The following PHF2 variants were observed in gnomAD, a reference collection of about 807,000 sequenced individuals.
PHF2 encodes lysine-specific demethylase PHF2.
PHF2 carries 27 observed loss-of-function variants against 120.5 expected under a neutral mutation model. That is an observed-to-expected ratio of 0.22 (90% confidence interval 0.17 to 0.31). The LOEUF (loss-of-function observed/expected upper bound fraction) is 0.31. PHF2 is among the 10% of genes least tolerant of loss of function. PHF2 has a pLI of 1.00. For missense variants in PHF2, 1,024 were observed against 1,434.8 expected (o/e 0.71, Z 4.63); for synonymous variants, 568 against 592.5 (o/e 0.96, Z 0.60).
intron 3 of PHF2, among the ~76,000 whole-genome samples, chr9:93,642,060 T>C (rs1826180865): frequency 6.6e-6 from 1 of 152,246 alleles, no homozygotes; most frequent in South Asian, 2.1e-4. Context: ...TGAACTGTTT[T>C]GGCACTCTCC....
intron 17 of PHF2, among the ~76,000 whole-genome samples, chr9:93,673,184 G>A (rs911459885): frequency 3.3e-5 from 5 of 151,866 alleles, no homozygotes; most frequent in African/African-American, 1.2e-4. Flanking sequence ...GCACAGGGTG[G>A]ACCGAGGGGG....
At position 93,653,115 on chromosome 9, in the gene PHF2, C is replaced by T. The variant is rs531629264; in HGVS notation, c.603-64C>T. ...GACATGCCTCACAGAACATGTTTCC[C>T]ACTGCAGGGGAAATAAAAAAGGGAG... On this transcript the variant is annotated intron_variant, in intron 5 of 21. Transcript: ENST00000359246. 36 of 1,481,128 alleles carry T rather than the reference C, an allele frequency of 2.4e-5. No homozygotes were observed. The Admixed American group carries it at 3.2e-4, about 13-fold the overall frequency. 91.7% of individuals were successfully genotyped at this position (1,481,128 alleles called of 1,614,324 possible). A position where few individuals can be genotyped will look rare whatever the true frequency, so the allele number is the denominator to read the frequency against.
intron 1 of PHF2, among the ~76,000 whole-genome samples, chr9:93,596,371 T>C (rs890403376): frequency 3.9e-5 from 6 of 152,108 alleles, no homozygotes; most frequent in Non-Finnish European, 8.8e-5. Flanking sequence ...CCATGGATGC[T>C]TGAAGGAATG....
intron 5 of PHF2, among the ~76,000 whole-genome samples, chr9:93,650,815 G>A (rs918252088): frequency 6.6e-6 from 1 of 152,206 alleles, no homozygotes; most frequent in African/African-American, 2.4e-5. Flanking sequence ...AGGCGCGGGT[G>A]GCTAAGGATG....
At chr9:93,603,925 TTGGCCAC>T (rs542646445) in intron 1 of PHF2, among the ~76,000 whole-genome samples, 7 of 152,236 alleles carry the variant, frequency 4.6e-5, no homozygotes, top group Admixed American at 3.9e-4. Context: ...CTGGCTCTGC[TTGGCCAC>T]CTCCAGATCC....
chr9:93,623,193 A>C (rs1326294297), intron 1 of PHF2, among the ~76,000 whole-genome samples: 1 of 152,112 alleles, frequency 6.6e-6, no homozygotes, highest in East Asian at 1.9e-4. Flanking sequence ...TCTGATGTGC[A>C]ATGTGGATTC....
At chr9:93,601,601 C>T (rs1160073082) in intron 1 of PHF2, among the ~76,000 whole-genome samples, 1 of 152,114 alleles carries the variant, frequency 6.6e-6, no homozygotes, top group Non-Finnish European at 1.5e-5. Flanking sequence ...GGCTGGCCCA[C>T]TGCTGCGAGG....
At chr9:93,665,274 C>T (rs1006840112) in intron 14 of PHF2, among the ~76,000 whole-genome samples, 6 of 152,220 alleles carry the variant, frequency 3.9e-5, no homozygotes, top group East Asian at 1.9e-4. Flanking sequence ...AGGCCCGAGG[C>T]GGGGCTTAAG....
intron 3 of PHF2, among the ~76,000 whole-genome samples, chr9:93,641,430 T>C (rs1826171066): frequency 6.6e-6 from 1 of 152,254 alleles, no homozygotes. Flanking sequence ...CGATCTCAGC[T>C]ATGATTTTCT....
chr9:93,621,409 G>A (rs1235361177), intron 1 of PHF2, among the ~76,000 whole-genome samples: 2 of 152,210 alleles, frequency 1.3e-5, no homozygotes, highest in Non-Finnish European at 2.9e-5. Flanking sequence ...GACTGACCAA[G>A]GCAGCTGTCC....
intron 1 of PHF2, among the ~76,000 whole-genome samples, chr9:93,608,554 A>C (rs1167246308): frequency 7.2e-5 from 11 of 152,172 alleles, no homozygotes; most frequent in Admixed American, 7.2e-4. Flanking sequence ...GGAATTCACC[A>C]GTGGGTTCTG....
At chr9:93,651,464 C>T (rs1826369138) in intron 5 of PHF2, among the ~76,000 whole-genome samples, 1 of 152,142 alleles carries the variant, frequency 6.6e-6, no homozygotes, top group African/African-American at 2.4e-5. Context: ...TTCACATGGG[C>T]TTGGGTCGGG....
chr9:93,675,126 A>T, intron 19 of PHF2, 104 bp downstream of exon 19: 1 of 914,018 alleles, frequency 1.1e-6, no homozygotes, highest in East Asian at 2.5e-5. Flanking sequence ...TCAGCTCTGC[A>T]CCTGTCCTAT....
At chr9:93,613,954 T>C (rs557733432) in intron 1 of PHF2, among the ~76,000 whole-genome samples, 1 of 152,252 alleles carries the variant, frequency 6.6e-6, no homozygotes, top group East Asian at 1.9e-4. Context: ...GTGGACCTGG[T>C]GCTGCTGCCT....
intron 20 of PHF2, 29 bp from the exon 21 acceptor site, chr9:93,676,565 T>C (rs1304923862): frequency 6.4e-7 from 1 of 1,564,300 alleles, no homozygotes; most frequent in Non-Finnish European, 8.7e-7. Context: ...GCTGTGCGTC[T>C]GAGGCTGCCC....
intron 1 of PHF2, among the ~76,000 whole-genome samples, chr9:93,629,025 T>C (rs1207907085): frequency 6.6e-6 from 1 of 152,126 alleles, no homozygotes; most frequent in African/African-American, 2.4e-5. Flanking sequence ...GCCTCCCGAA[T>C]AGCTGGGATT....
At chr9:93,671,006 G>A (rs1826771977) in intron 17 of PHF2, 7 of 984,928 alleles carry the variant, frequency 7.1e-6, no homozygotes, top group Non-Finnish European at 8.4e-6. Context: ...TGCAGATGCA[G>A]CTGCAGGTCT....
At chr9:93,672,128 G>GTGGATGTAGGTA (rs1826808625) in intron 17 of PHF2, among the ~76,000 whole-genome samples, 1 of 94,044 alleles carries the variant, frequency 1.1e-5, no homozygotes, top group South Asian at 3.0e-4. Flanking sequence ...AGGTGTGGGT[G>GTGGATGTAGGTA]CGGATGTAGG....
In PHF2 at chr9:93,656,167, T is replaced by A. The variant is rs1392297843; in HGVS notation, c.1040+146T>A. 5 of 666,080 alleles carry A rather than the reference T, an allele frequency of 7.5e-6. No individual in the cohort carries two copies. The East Asian group carries it at 1.4e-4, about 18-fold the overall frequency. 41.3% of individuals were successfully genotyped at this position (666,080 alleles called of 1,614,324 possible). On this transcript the variant is annotated intron_variant, in intron 8 of 21. Coordinates refer to ENST00000359246, the MANE Select transcript of PHF2 (RefSeq NM_005392.4). The surrounding 1 kb of genome is among the most constrained non-coding windows in gnomAD (Gnocchi z 4.1). ...ATGACCGTCAGCCTCGGTGGGCCTC[T>A]TTGTGATGTGGAGGGAAGGAGGAGG...
Sources: allele counts gnomAD v4.1 joint callset (sites outside exome capture counted in the v4.1 genomes callset), GRCh38; gene constraint gnomAD v4.1.1; non-coding constraint Gnocchi (gnomAD v3.1); transcripts MANE v1.5; gene names NCBI Gene and HGNC (gene_info 2026-07-23, HGNC 2026-07-21).